Variants in DLG5 observed in about 807,000 individuals in gnomAD.
DLG5 encodes the protein disks large homolog 5.
A neutral mutation model predicts 189.8 loss-of-function variants in DLG5; 48 were observed. That is an observed-to-expected ratio of 0.25 (90% CI 0.20 to 0.32). The LOEUF (loss-of-function observed/expected upper bound fraction) is 0.32, where lower values mean the gene tolerates loss of function less well. Among genes scored for constraint, DLG5 ranks in the 10% least tolerant of loss-of-function variants. DLG5 has a pLI of 1.00. For synonymous variants in DLG5, 1,016 were observed against 1,054.1 expected (o/e 0.96, Z 0.70); for missense variants, 2,160 against 2,544.7 (o/e 0.85, Z 3.25).
At chr10:77,900,253 A>AC (rs1194587593) in intron 1 of DLG5, among the ~76,000 whole-genome samples, 3 of 151,840 alleles carry the variant, frequency 2.0e-5, no homozygotes, top group Non-Finnish European at 4.4e-5. Flanking sequence ...CACAGCCTCT[A>AC]CCTCCTCTCC....
intron 1 of DLG5, among the ~76,000 whole-genome samples, chr10:77,903,613 G>A (rs1349603114): frequency 2.8e-5 from 3 of 107,306 alleles, no homozygotes; most frequent in African/African-American, 7.7e-5. Context: ...GTGAGACTCT[G>A]TTTTGAAACT....
At chr10:77,930,999 T>C (rs1846781682), upstream of DLG5, among the ~76,000 whole-genome samples, 1 of 151,688 alleles carries the variant, frequency 6.6e-6, no homozygotes, top group South Asian at 2.1e-4. Flanking sequence ...TTTGTATTTT[T>C]AGTAGAGACG....
chr10:77,847,184 T>TC (rs1452802025), intron 5 of DLG5, among the ~76,000 whole-genome samples: 6 of 151,072 alleles, frequency 4.0e-5, no homozygotes, highest in African/African-American at 1.2e-4. Flanking sequence ...TTTCAGCTGC[T>TC]CCCCCCAGCC....
chr10:77,859,518 T>C (rs539106413), intron 2 of DLG5, among the ~76,000 whole-genome samples: 3 of 152,322 alleles, frequency 2.0e-5, no homozygotes, highest in East Asian at 3.9e-4. Flanking sequence ...TTTCTATGTA[T>C]AGACACACAA....
intron 9 of DLG5, among the ~76,000 whole-genome samples, chr10:77,833,089 G>A (rs373447504): frequency 1.6e-4 from 24 of 152,184 alleles, no homozygotes; most frequent in African/African-American, 4.1e-4. Context: ...GGGAAATGTC[G>A]CACAATGGAT....
chr10:77,822,506 C>T (rs560595361), intron 14 of DLG5, among the ~76,000 whole-genome samples: 5 of 152,152 alleles, frequency 3.3e-5, no homozygotes, highest in South Asian at 2.1e-4. Context: ...AAGCCAGGCA[C>T]GGTGGCATGC....
At chr10:77,831,206 A>G (rs148568612) in intron 9 of DLG5, among the ~76,000 whole-genome samples, 1,976 of 152,216 alleles carry the variant, frequency 0.013, 38 homozygotes, top group African/African-American at 0.045. Context: ...GGAGTTTGAG[A>G]CCAGCCTGAC....
At chr10:77,854,466 C>T in intron 3 of DLG5, 96 bp from the exon 4 acceptor site, 2 of 1,507,270 alleles carry the variant, frequency 1.3e-6, no homozygotes, top group Non-Finnish European at 1.8e-6. Flanking sequence ...AGTGGTTCCC[C>T]AGTACTGGTC....
intron 25 of DLG5, among the ~76,000 whole-genome samples, chr10:77,807,521 A>T (rs1300556350): frequency 6.6e-6 from 1 of 152,206 alleles, no homozygotes; most frequent in Admixed American, 6.5e-5. Context: ...AAAGAGGAGC[A>T]CAGCACACAG....
At chr10:77,823,074 T>A (rs1842447284) in intron 14 of DLG5, among the ~76,000 whole-genome samples, 1 of 152,262 alleles carries the variant, frequency 6.6e-6, no homozygotes, top group African/African-American at 2.4e-5. Context: ...TTAATACTAA[T>A]GCATCCACAT....
chr10:77,863,395 A>G (rs1844549115), intron 2 of DLG5, among the ~76,000 whole-genome samples: 1 of 152,172 alleles, frequency 6.6e-6, no homozygotes, highest in Non-Finnish European at 1.5e-5. Context: ...AACCACACCT[A>G]GCCTATTTTT....
At chr10:77,885,474 C>T (rs963600630) in intron 1 of DLG5, among the ~76,000 whole-genome samples, 1 of 152,204 alleles carries the variant, frequency 6.6e-6, no homozygotes, top group Non-Finnish European at 1.5e-5. Context: ...ATTTCATTCA[C>T]TATCTTGTGC....
intron 2 of DLG5, 39 bp from the exon 3 acceptor site, chr10:77,856,931 T>C (rs1278364558): frequency 3.2e-6 from 5 of 1,586,740 alleles, no homozygotes; most frequent in Non-Finnish European, 4.3e-6. Flanking sequence ...TGTGTTCATC[T>C]GGCATTCACG....
chr10:77,880,453 C>CA (rs1401097894), intron 1 of DLG5, among the ~76,000 whole-genome samples: 8 of 152,064 alleles, frequency 5.3e-5, no homozygotes, highest in Non-Finnish European at 1.2e-4. Context: ...GACTCCATCT[C>CA]AAAAAATAAA....
chr10:77,848,015 A>G (rs1383789511), intron 5 of DLG5, among the ~76,000 whole-genome samples: 1 of 152,152 alleles, frequency 6.6e-6, no homozygotes, highest in African/African-American at 2.4e-5. Context: ...CTGAGAGTCA[A>G]CTTTTCCACT....
intron 1 of DLG5, among the ~76,000 whole-genome samples, chr10:77,892,143 G>A (rs934751132): frequency 3.3e-5 from 5 of 152,140 alleles, no homozygotes; most frequent in South Asian, 2.1e-4. Flanking sequence ...CCAGCTTCCC[G>A]GGATGCCCCA....
chr10:77,895,839 A>G (rs1385443559), intron 1 of DLG5, among the ~76,000 whole-genome samples: 2 of 152,054 alleles, frequency 1.3e-5, no homozygotes, highest in African/African-American at 2.4e-5. Flanking sequence ...GTGAAACCCC[A>G]TCTCTACCCA....
rs1464011210 is a variant in DLG5 at position 77,811,208 on chromosome 10, T to C, written c.4349A>G (p.His1450Arg). The change falls in exon 23 of 32, where the codon CAC becomes CGC. Residue 1450 changes from histidine to arginine, a missense_variant. By Grantham distance (29) the His-to-Arg change is conservative. Transcript: ENST00000372391. The stretch of plus-strand genomic sequence containing the variant: ...GGTGCCACTGCCCTGGAGAGTGGAG[T>C]GGGTACCGGCAGGGTCCAGGTGTGA... ...SSSHLDPAGTHSTLQGSGTTT... is the reference protein window; with the variant it reads ...SSSHLDPAGTRSTLQGSGTTT... 1 of 1,611,578 alleles carries C rather than the reference T, an allele frequency of 6.2e-7. No homozygotes were observed. The highest frequency in any genetic ancestry group is 8.5e-7 in the Non-Finnish European group (1 of 1,179,514).
intron 9 of DLG5, among the ~76,000 whole-genome samples, chr10:77,833,244 C>T (rs75469223): frequency 1.2e-3 from 190 of 152,320 alleles, no homozygotes; most frequent in Non-Finnish European, 1.7e-3. Context: ...TGGGAGGCTG[C>T]TGTAATCGAG....
Sources: allele counts gnomAD v4.1 joint callset (sites outside exome capture counted in the v4.1 genomes callset), GRCh38; gene constraint gnomAD v4.1.1; transcripts MANE v1.5; gene names NCBI Gene and HGNC (gene_info 2026-07-23, HGNC 2026-07-21).